The following GABBR2 variants were observed in gnomAD, a reference collection of about 807,000 sequenced individuals.
The protein encoded by GABBR2 is gamma-aminobutyric acid type B receptor subunit 2.
In GABBR2, 23 loss-of-function variants were observed where a neutral mutation model predicts 105.6. The ratio of observed to expected loss-of-function variants is 0.22; its 90% CI spans 0.16 to 0.31. The LOEUF is 0.31. Among genes scored for constraint, GABBR2 ranks in the 10% least tolerant of loss-of-function variants. The pLI, the probability that GABBR2 is intolerant of heterozygous loss-of-function variation, is 1.00. For missense variants in GABBR2, 734 were observed against 1,245.5 expected (o/e 0.59, Z 6.18); for synonymous variants, 478 against 499.7 (o/e 0.96, Z 0.58).
At chr9:98,317,985 C>A (rs1277171810) in intron 13 of GABBR2, among the ~76,000 whole-genome samples, 2 of 152,144 alleles carry the variant, frequency 1.3e-5, no homozygotes, top group Non-Finnish European at 2.9e-5. Flanking sequence ...TGAGACCCGG[C>A]AGATAAGAAA....
chr9:98,416,222 AC>A (rs2131547234), intron 7 of GABBR2, among the ~76,000 whole-genome samples: 1 of 152,280 alleles, frequency 6.6e-6, no homozygotes, highest in Admixed American at 6.5e-5. Context: ...GCTCCAGCAC[AC>A]CCATAACCAA....
intron 1 of GABBR2, among the ~76,000 whole-genome samples, chr9:98,671,711 T>G (rs1830409402): frequency 2.0e-5 from 3 of 152,228 alleles, no homozygotes; most frequent in Admixed American, 2.0e-4. Context: ...ACATGTCATG[T>G]GGTTTTGATC....
At chr9:98,459,963 T>C (rs967399276) in intron 6 of GABBR2, among the ~76,000 whole-genome samples, 1 of 152,176 alleles carries the variant, frequency 6.6e-6, no homozygotes, top group African/African-American at 2.4e-5. Flanking sequence ...ACACAACACA[T>C]TTAATTAAAA....
In GABBR2 at chr9:98,310,948, A is replaced by C. The variant is rs752131608; in HGVS notation, c.2004+147T>G. The C allele has an allele frequency of 5.2e-6, 3 of 580,268 alleles. No individual in the cohort carries two copies. In the African/African-American group the frequency reaches 5.6e-5, roughly 11 times the overall value. The allele number at this position is 580,268 out of a possible 1,614,324, so 35.9% of individuals were successfully genotyped here. The stretch of plus-strand genomic sequence containing the variant: ...TCATAGGGTTGCTGCAGGAACTGAG[A>C]TAGCATGTGGCAGGCACTGAGTCCA... On this transcript the variant is annotated intron_variant, in intron 14 of 18. Coordinates refer to ENST00000259455, the MANE Select transcript of GABBR2 (RefSeq NM_005458.8).
intron 2 of GABBR2, among the ~76,000 whole-genome samples, chr9:98,572,637 A>G (rs1828848609): frequency 6.6e-6 from 1 of 151,678 alleles, no homozygotes; most frequent in Non-Finnish European, 1.5e-5. Flanking sequence ...AGGTCCACAG[A>G]GTCTGGCTTA....
intron 8 of GABBR2, among the ~76,000 whole-genome samples, chr9:98,398,936 G>A (rs181073421): frequency 6.6e-5 from 10 of 152,300 alleles, no homozygotes; most frequent in Non-Finnish European, 1.5e-4. Flanking sequence ...TGTGTCCATC[G>A]ATCTAGGCAA....
At position 98,400,647 on chromosome 9, in the gene GABBR2, A is replaced by G. The variant is rs2131519613; in HGVS notation, c.1297+5434T>C. Among the ~76,000 whole-genome samples the G allele has an allele frequency of 3.3e-5, 5 of 152,322 alleles. 1 individual carries two copies. In the Middle Eastern group the frequency reaches 0.017, roughly 518 times the overall value. ...TCCGTCCCAGGGGCCTGGATGGGTG[A>G]AGTGATGGATGCACCCCACCATGGC... is the stretch of plus-strand genomic sequence containing the variant. On this transcript the variant is annotated intron_variant, in intron 8 of 18. Transcript: ENST00000259455.
intron 5 of GABBR2, among the ~76,000 whole-genome samples, chr9:98,477,396 C>T (rs531369313): frequency 5.2e-4 from 79 of 152,300 alleles, no homozygotes; most frequent in Non-Finnish European, 9.0e-4. Context: ...GATGATACCA[C>T]GCCCAGCTAA....
In GABBR2 at chr9:98,708,600, G is replaced by A. The variant is rs1830934149; in HGVS notation, c.138C>T (p.Ala46=). ...APGAWGWARG[A]PRPPPSSPPL... ...GCGGGCTGCTGGGCGGCGGCCGGGG[G>A]GCGCCCCGCGCCCAGCCCCAGGCCC... Residue 46 remains alanine (A), a synonymous_variant, in exon 1 of 19, where the codon GCC becomes GCT. Transcript: ENST00000259455. 3 of 1,426,052 alleles carry A rather than the reference G, an allele frequency of 2.1e-6. No individual in the cohort carries two copies. Among genetic ancestry groups the A allele is most frequent in the Non-Finnish European group, 2.8e-6 (3 of 1,088,552 alleles). 88.3% of individuals were successfully genotyped at this position (1,426,052 alleles called of 1,614,324 possible).
intron 1 of GABBR2, among the ~76,000 whole-genome samples, chr9:98,690,303 C>A (rs1438763134): frequency 1.3e-5 from 2 of 152,184 alleles, no homozygotes; most frequent in Non-Finnish European, 2.9e-5. Context: ...ACCAAGCCTT[C>A]CAAGATCCAA....
At chr9:98,662,684 C>T (rs1830279933) in intron 1 of GABBR2, among the ~76,000 whole-genome samples, 1 of 152,214 alleles carries the variant, frequency 6.6e-6, no homozygotes, top group Admixed American at 6.5e-5. Context: ...ACCTGAAGAC[C>T]CTGCTCTCCA....
intron 14 of GABBR2, among the ~76,000 whole-genome samples, chr9:98,309,582 T>C (rs1588092937): frequency 6.6e-6 from 1 of 152,348 alleles, no homozygotes; most frequent in East Asian, 1.9e-4. Flanking sequence ...GCAACTTTGC[T>C]TGGGGCTGAC....
intron 1 of GABBR2, among the ~76,000 whole-genome samples, chr9:98,673,731 G>T (rs1313869110): frequency 6.6e-6 from 1 of 152,134 alleles, no homozygotes; most frequent in Non-Finnish European, 1.5e-5. Context: ...TAAAGATCCT[G>T]AATAAACGGG....
intron 4 of GABBR2, 144 bp from the exon 5 acceptor site, chr9:98,481,141 C>T: frequency 1.5e-6 from 1 of 654,104 alleles, no homozygotes; most frequent in South Asian, 1.7e-5. Context: ...AGAACCTCAC[C>T]CCCAACCCCA....
chr9:98,568,326 T>A (rs1238224812), intron 2 of GABBR2, among the ~76,000 whole-genome samples: 1 of 152,010 alleles, frequency 6.6e-6, no homozygotes, highest in African/African-American at 2.4e-5. Flanking sequence ...ATGGAGACAA[T>A]GATGACACTG....
At chr9:98,327,728 G>T (rs1588104368) in intron 13 of GABBR2, among the ~76,000 whole-genome samples, 1 of 151,784 alleles carries the variant, frequency 6.6e-6, no homozygotes, top group South Asian at 2.1e-4. Context: ...CATTAGCCAG[G>T]CGTGATGGTG....
chr9:98,530,995 G>A (rs920386437), intron 3 of GABBR2, among the ~76,000 whole-genome samples: 7 of 152,196 alleles, frequency 4.6e-5, no homozygotes, highest in Non-Finnish European at 1.5e-5. Flanking sequence ...GTGGCACCAG[G>A]AAGTGTCCCT....
rs572313011 is a variant in GABBR2, at chr9:98,539,927, A to G, written c.630+1946T>C. 4.1e-3 allele frequency among the ~76,000 whole-genome samples: 625 copies of G among 151,888 alleles called. 2 individuals are homozygous for G. Among genetic ancestry groups the G allele is most frequent in the African/African-American group, 0.014 (562 of 41,478 alleles). ...GAGACTTCGTCTAAAAAAAAAAAAAAAAAAAGAAAAAGAAAAGAAAAAGGA... is the reference window on the plus strand; with the variant it reads ...GAGACTTCGTCTAAAAAAAAAAAAAGAAAAAGAAAAAGAAAAGAAAAAGGA... On this transcript the variant is annotated intron_variant, in intron 3 of 18. Transcript: ENST00000259455.
At chr9:98,497,427 T>TA (rs112080461) in intron 3 of GABBR2, among the ~76,000 whole-genome samples, 53,500 of 149,904 alleles carry the variant, frequency 0.36, 9,707 homozygotes, top group Non-Finnish European at 0.39. Flanking sequence ...TATTTTGAAT[T>TA]AAAAAAAAAA....
Sources: allele counts gnomAD v4.1 joint callset (sites outside exome capture counted in the v4.1 genomes callset), GRCh38; gene constraint gnomAD v4.1.1; transcripts MANE v1.5; gene names NCBI Gene and HGNC (gene_info 2026-07-23, HGNC 2026-07-21).